Variants in ADK observed in about 807,000 individuals in gnomAD.
The protein encoded by ADK is adenosine kinase.
ADK carries 24 observed loss-of-function variants against 44.7 expected under a neutral mutation model. That is an observed-to-expected ratio of 0.54 (90% CI 0.39 to 0.76). ADK has a LOEUF of 0.76. ADK is among the 30% of genes least tolerant of loss of function. ADK has a pLI of 0.00. For missense variants in ADK, 321 were observed against 425.1 expected (o/e 0.76, Z 2.15); for synonymous variants, 128 against 142.6 (o/e 0.90, Z 0.73).
intron 2 of ADK, among the ~76,000 whole-genome samples, chr10:74,202,626 A>AT (rs1843437032): frequency 6.6e-6 from 1 of 152,102 alleles, no homozygotes; most frequent in Non-Finnish European, 1.5e-5. Context: ...GCCAAAGCTT[A>AT]TTTTTTATTT....
At chr10:74,432,800 C>A (rs1370914915) in intron 6 of ADK, among the ~76,000 whole-genome samples, 1 of 152,150 alleles carries the variant, frequency 6.6e-6, no homozygotes, top group Non-Finnish European at 1.5e-5. Flanking sequence ...GGTGTGTCAT[C>A]TTCAACTTCC....
chr10:74,691,735 T>C (rs2134267341), intron 10 of ADK, among the ~76,000 whole-genome samples: 1 of 152,312 alleles, frequency 6.6e-6, no homozygotes, highest in East Asian at 1.9e-4. Flanking sequence ...GAGTTTGGGA[T>C]ATAATGCATG....
At chr10:74,453,639 C>G (rs1042872848) in intron 6 of ADK, among the ~76,000 whole-genome samples, 1 of 151,916 alleles carries the variant, frequency 6.6e-6, no homozygotes, top group Non-Finnish European at 1.5e-5. Context: ...ATTTCCTTTC[C>G]TTCTCTTTTC....
intron 6 of ADK, among the ~76,000 whole-genome samples, chr10:74,459,450 GC>G (rs1170292150): frequency 6.6e-6 from 1 of 152,022 alleles, no homozygotes; most frequent in Non-Finnish European, 1.5e-5. Context: ...GTTAGGCTCA[GC>G]CGGGTGCGGT....
chr10:74,322,636 A>T (rs774751434), intron 4 of ADK, among the ~76,000 whole-genome samples: 4 of 152,138 alleles, frequency 2.6e-5, no homozygotes, highest in Admixed American at 6.5e-5. Flanking sequence ...TTGTGAAATT[A>T]TTATAACTTA....
intron 7 of ADK, among the ~76,000 whole-genome samples, chr10:74,581,631 A>G (rs1851377207): frequency 1.3e-5 from 2 of 152,178 alleles, no homozygotes; most frequent in South Asian, 4.1e-4. Flanking sequence ...ATCAAATTGC[A>G]TAAGATCAGT....
chr10:74,154,265 AT>A (rs1841691591), intron 1 of ADK, among the ~76,000 whole-genome samples: 1 of 151,844 alleles, frequency 6.6e-6, no homozygotes, highest in South Asian at 2.1e-4. Flanking sequence ...TCTTAATTTA[AT>A]TTAATTTTGT....
chr10:74,528,706 A>G (rs1365112272), intron 7 of ADK, among the ~76,000 whole-genome samples: 1 of 152,216 alleles, frequency 6.6e-6, no homozygotes, highest in Admixed American at 6.5e-5. Context: ...AATAATGATC[A>G]AAGGAATTTA....
chr10:74,684,856 T>TG (rs1855733343), intron 10 of ADK, among the ~76,000 whole-genome samples: 1 of 152,226 alleles, frequency 6.6e-6, no homozygotes, highest in South Asian at 2.1e-4. Context: ...CACAATGTGA[T>TG]CTAAACACAT....
intron 10 of ADK, among the ~76,000 whole-genome samples, chr10:74,704,609 G>C (rs966407621): frequency 6.6e-6 from 1 of 152,084 alleles, no homozygotes; most frequent in Admixed American, 6.6e-5. Context: ...CAGCATCCAG[G>C]TTCTCCACTT....
chr10:74,302,140 T>G (rs1196734426), intron 3 of ADK, among the ~76,000 whole-genome samples: 2 of 110,826 alleles, frequency 1.8e-5, no homozygotes, highest in East Asian at 2.6e-4. Context: ...TTTTTTTTTT[T>G]TTTTTTGAGA....
chr10:74,669,254 C>T (rs1855083687), intron 9 of ADK, among the ~76,000 whole-genome samples: 1 of 152,126 alleles, frequency 6.6e-6, no homozygotes, highest in African/African-American at 2.4e-5. Context: ...TCTCCTTTTG[C>T]CTCCCTCTTG....
At chr10:74,207,800 C>T (rs1315021397) in intron 2 of ADK, among the ~76,000 whole-genome samples, 1 of 152,188 alleles carries the variant, frequency 6.6e-6, no homozygotes, top group Non-Finnish European at 1.5e-5. Flanking sequence ...ATGCTTCAGG[C>T]TGTCCCTGGC....
At chr10:74,329,110 A>C (rs1841127330) in intron 4 of ADK, among the ~76,000 whole-genome samples, 1 of 21,640 alleles carries the variant, frequency 4.6e-5, no homozygotes, top group Admixed American at 5.7e-4. Flanking sequence ...TGCAGGCAAA[A>C]AAAAAAAAAA....
intron 7 of ADK, among the ~76,000 whole-genome samples, chr10:74,560,959 G>A (rs966671536): frequency 3.3e-5 from 5 of 151,972 alleles, no homozygotes; most frequent in African/African-American, 1.2e-4. Context: ...TACATCCAAA[G>A]GTAAATAATA....
At chr10:74,347,796 C>T (rs990134360) in intron 4 of ADK, among the ~76,000 whole-genome samples, 5 of 152,200 alleles carry the variant, frequency 3.3e-5, no homozygotes, top group African/African-American at 7.2e-5. Flanking sequence ...ACTAAGGTGG[C>T]GGGGAGGTTT....
intron 4 of ADK, among the ~76,000 whole-genome samples, chr10:74,326,431 C>CA (rs34807188): frequency 0.013 from 1,702 of 129,844 alleles, 17 homozygotes; most frequent in Non-Finnish European, 0.016. Flanking sequence ...CTTGTTTCTA[C>CA]AAAAAAAAAA....
chr10:74,301,427 A>G (rs1232359713), intron 3 of ADK, among the ~76,000 whole-genome samples: 2 of 150,680 alleles, frequency 1.3e-5, no homozygotes, highest in Non-Finnish European at 3.0e-5. Context: ...GACAGGAGAA[A>G]CGCTTGAACC....
intron 3 of ADK, among the ~76,000 whole-genome samples, chr10:74,281,042 A>G (rs1846914223): frequency 6.6e-6 from 1 of 152,240 alleles, no homozygotes; most frequent in African/African-American, 2.4e-5. Context: ...TAATGCTCCA[A>G]AATCTGAAAC....
Sources: gnomAD v4.1 joint callset for allele counts (sites outside exome capture counted in the v4.1 genomes callset) on GRCh38, gnomAD v4.1.1 for gene constraint, MANE v1.5 for transcripts, NCBI Gene and HGNC (gene_info 2026-07-23, HGNC 2026-07-21) for gene names.